Variants in NAAA observed in about 807,000 individuals in gnomAD.
NAAA encodes N-acylethanolamine acid amidase.
NAAA carries 39 observed loss-of-function variants against 44.8 expected under a neutral mutation model. That is an observed-to-expected ratio of 0.87 (90% CI 0.67 to 1.14). The LOEUF (loss-of-function observed/expected upper bound fraction) is 1.14. NAAA is among the 50% of genes most tolerant of loss of function. NAAA has a pLI of 0.00. For synonymous variants in NAAA, 178 were observed against 191.3 expected (o/e 0.93, Z 0.58); for missense variants, 460 against 467.8 (o/e 0.98, Z 0.15).
intron 6 of NAAA, 69 bp downstream of exon 6, chr4:75,920,882 C>A: frequency 6.2e-7 from 1 of 1,612,064 alleles, no homozygotes; most frequent in Non-Finnish European, 8.5e-7. Flanking sequence ...TTTAAAATAC[C>A]CCTCATTTCA....
At chr4:75,914,678 C>T (rs552204043) in intron 10 of NAAA, among the ~76,000 whole-genome samples, 190 bp downstream of exon 10, 8 of 152,130 alleles carry the variant, frequency 5.3e-5, no homozygotes, top group South Asian at 2.1e-4. Context: ...CACGCCCCGC[C>T]GAAGATTGGT....
downstream of NAAA, among the ~76,000 whole-genome samples, chr4:75,912,034 C>T (rs1725347210): frequency 6.6e-6 from 1 of 152,184 alleles, no homozygotes; most frequent in Non-Finnish European, 1.5e-5. Context: ...TGGAGTCAGC[C>T]ATGCTAGACT....
At chr4:75,936,922 C>T (rs1313492483) in intron 2 of NAAA, among the ~76,000 whole-genome samples, 2 of 151,974 alleles carry the variant, frequency 1.3e-5, no homozygotes, top group Non-Finnish European at 1.5e-5. Context: ...ATGTCCAATA[C>T]CAGAGGGAAA....
chr4:75,924,541 C>T (rs1726477820), intron 5 of NAAA, among the ~76,000 whole-genome samples: 1 of 152,242 alleles, frequency 6.6e-6, no homozygotes, highest in Admixed American at 6.5e-5. Flanking sequence ...GAACCCAGCA[C>T]ATTTTAATAG....
rs754093271 is a variant in NAAA, at chr4:75,931,252, T to G, written c.551A>C (p.Gln184Pro). The G allele has an allele frequency of 4.3e-6, 7 of 1,613,294 alleles. No homozygotes were observed. The Admixed American group carries it at 1.2e-4, about 27-fold the overall frequency. The change falls in exon 4 of 11, where the codon CAG becomes CCG. Residue 184 changes from glutamine (Q) to proline (P), a missense_variant. Gln to Pro is a moderately conservative substitution (Grantham distance 76). Transcript: ENST00000286733. The part of the protein sequence containing the change: ...FIGYVGLWTG[Q>P]SPHKFTVSGD... ...AGAAACTGTAAACTTGTGTGGGCTC[T>G]GGCCAGTCCATAATCCTACATAGCC...
chr4:75,919,928 C>G lies in NAAA; in HGVS notation c.950G>C (p.Ser317Thr). ...ALNATGQANL[S>T]LEALFQILSV... is the part of the protein sequence containing the mutation. ...AGTTACCTGGAAAAGTGCCTCCAGG[C>G]TGAGGTTTGCTTGTCCTGTAGCATT... Residue 317 changes from serine to threonine, a missense_variant, in exon 8 of 11, where the codon AGC becomes ACC. Transcript: ENST00000286733. 1 of 1,614,016 alleles carries G rather than the reference C, an allele frequency of 6.2e-7. No individual in the cohort carries two copies.
rs560141771 is a variant in NAAA, at chr4:75,913,714, CTTAA to C, written c.*657_*660del. 101 of 981,762 alleles carry C rather than the reference CTTAA, an allele frequency of 1.0e-4. No individual in the cohort carries two copies. In the African/African-American group the frequency reaches 1.5e-3, roughly 15 times the overall value. 60.8% of individuals were successfully genotyped at this position (981,762 alleles called of 1,614,324 possible). A position where few individuals can be genotyped will look rare whatever the true frequency, so the allele number is the denominator to read the frequency against. On this transcript the variant is annotated 3_prime_UTR_variant, in exon 11 of 11. Coordinates refer to ENST00000286733, the MANE Select transcript of NAAA (RefSeq NM_014435.4). ...CAACATTTCTTTTGACATTTTATTA[CTTAA>C]TTATGTGACATTAAGAAATAATTTG...
intron 8 of NAAA, 98 bp from the exon 9 acceptor site, chr4:75,918,887 A>T (rs1232407943): frequency 1.7e-6 from 2 of 1,195,880 alleles, no homozygotes; most frequent in Non-Finnish European, 2.5e-6. Flanking sequence ...TCAGGCCTGT[A>T]ATCCCAGCAC....
rs142533627 is a variant in NAAA at position 75,916,065 on chromosome 4, G to A, written c.999-1080C>T. ...TCCCTGAACAGGACCTTAATTGCTC[G>A]TTTACTTTAGTCATAGTTCTGCTCT... is the stretch of plus-strand genomic sequence containing the variant. On this transcript the variant is annotated intron_variant, in intron 9 of 10. Transcript: ENST00000286733. Among the ~76,000 whole-genome samples, 242 of 152,232 alleles carry A rather than the reference G, an allele frequency of 1.6e-3. 2 individuals are homozygous for A. The highest frequency in any genetic ancestry group is 6.8e-3 in the Middle Eastern group (2 of 294).
In NAAA at chr4:75,913,804, A is replaced by T. The variant is rs1484273644; in HGVS notation, c.*571T>A. 3 of 985,148 alleles carry T rather than the reference A, an allele frequency of 3.0e-6. No individual in the cohort carries two copies. In the African/African-American group the frequency reaches 5.2e-5, roughly 17 times the overall value. The allele number at this position is 985,148 out of a possible 1,614,324, so 61.0% of individuals were successfully genotyped here. On this transcript the variant is annotated 3_prime_UTR_variant, in exon 11 of 11. Transcript: ENST00000286733. ...GCTATTGAGAAAGAAGGAGGGCCAT[A>T]GGTTTTTCAATAAAACGTTAGAAAC...
At chr4:75,921,752 G>C (rs1439704191) in intron 5 of NAAA, among the ~76,000 whole-genome samples, 1 of 152,204 alleles carries the variant, frequency 6.6e-6, no homozygotes, top group East Asian at 1.9e-4. Context: ...TGCAGGGTGA[G>C]GAGTGGCAGT....
intron 2 of NAAA, among the ~76,000 whole-genome samples, chr4:75,939,150 G>A (rs886416294): frequency 6.6e-6 from 1 of 152,170 alleles, no homozygotes; most frequent in Non-Finnish European, 1.5e-5. Context: ...ACCGCGCCCA[G>A]CCTGGATGCA....
At chr4:75,919,885 G>T (rs1252971523) in intron 8 of NAAA, 24 bp downstream of exon 8, 3 of 1,594,688 alleles carry the variant, frequency 1.9e-6, no homozygotes, top group Non-Finnish European at 2.6e-6. Context: ...TCCTAGGTAT[G>T]CAGGACACTG....
At chr4:75,918,486 A>AG (rs1725835979) in intron 9 of NAAA, among the ~76,000 whole-genome samples, 2 of 151,864 alleles carry the variant, frequency 1.3e-5, no homozygotes, top group Non-Finnish European at 1.5e-5. Context: ...AGCCTCCTTC[A>AG]GGGTCACTCT....
intron 5 of NAAA, 104 bp from the exon 6 acceptor site, chr4:75,921,227 A>C (rs1369631999): frequency 1.9e-6 from 2 of 1,075,782 alleles, no homozygotes; most frequent in Non-Finnish European, 2.6e-6. Flanking sequence ...ATGTTATGTC[A>C]TGACTATCAC....
chr4:75,917,164 T>C, intron 9 of NAAA: 5 of 839,760 alleles, frequency 6.0e-6, no homozygotes, highest in Non-Finnish European at 7.2e-6. Flanking sequence ...AAAATGACTA[T>C]TAAAAGGGCA....
intron 5 of NAAA, among the ~76,000 whole-genome samples, chr4:75,925,001 T>TA (rs1054996698): frequency 4.6e-5 from 7 of 151,948 alleles, no homozygotes; most frequent in Non-Finnish European, 8.8e-5. Context: ...ACTTCATTTT[T>TA]TTTTTTTGAG....
chr4:75,915,482 C>T lies in NAAA; in HGVS notation c.999-497G>A, dbSNP rs139756037. On this transcript the variant is annotated intron_variant, in intron 9 of 10. Coordinates refer to ENST00000286733, the MANE Select transcript of NAAA (RefSeq NM_014435.4). Reference sequence around the variant, plus strand: ...CTTACTTGCACACATGTGACATCACCGCCTTCACATTCCCCAGCAAGCACC... The same window carrying T: ...CTTACTTGCACACATGTGACATCACTGCCTTCACATTCCCCAGCAAGCACC... Among the ~76,000 whole-genome samples the T allele has an allele frequency of 3.3e-5, 5 of 152,290 alleles. No individual in the cohort carries two copies. The East Asian group carries it at 5.8e-4, about 18-fold the overall frequency.
chr4:75,921,837 C>T (rs1287860453), intron 5 of NAAA, among the ~76,000 whole-genome samples: 1 of 152,142 alleles, frequency 6.6e-6, no homozygotes, highest in African/African-American at 2.4e-5. Flanking sequence ...TACATTAGCG[C>T]CCTGAGCTTA....
Sources: allele counts gnomAD v4.1 joint callset (sites outside exome capture counted in the v4.1 genomes callset), GRCh38; gene constraint gnomAD v4.1.1; transcripts MANE v1.5; gene names NCBI Gene and HGNC (gene_info 2026-07-23, HGNC 2026-07-21).